The following CDH12 variants were observed in gnomAD, a reference collection of about 807,000 sequenced individuals.
The protein encoded by CDH12 is cadherin-12.
A neutral mutation model predicts 74.1 loss-of-function variants in CDH12; 41 were observed. That is an observed-to-expected ratio of 0.55 (90% CI 0.43 to 0.72). The LOEUF is 0.72. CDH12 is among the 30% of genes least tolerant of loss of function. The pLI is 0.00. For synonymous variants in CDH12, 399 were observed against 355.0 expected, an observed-to-expected ratio of 1.12 and a Z score of -1.39; for missense variants, 945 against 977.2, an observed-to-expected ratio of 0.97 and a Z score of 0.44.
chr5:22,841,162 G>A (rs1737064544), intron 1 of CDH12, among the ~76,000 whole-genome samples: 1 of 152,138 alleles, frequency 6.6e-6, no homozygotes, highest in South Asian at 2.1e-4. Flanking sequence ...GCAGTAATTT[G>A]GATAAGCAAT....
intron 5 of CDH12, among the ~76,000 whole-genome samples, chr5:21,976,164 T>C (rs1757062881): frequency 6.6e-6 from 1 of 152,178 alleles, no homozygotes; most frequent in Non-Finnish European, 1.5e-5. Flanking sequence ...GATTCACAAA[T>C]AGCTTGTTCC....
chr5:21,984,954 G>A (rs1757453355), intron 5 of CDH12, among the ~76,000 whole-genome samples: 1 of 151,802 alleles, frequency 6.6e-6, no homozygotes, highest in Non-Finnish European at 1.5e-5. Flanking sequence ...TAACCACATT[G>A]TCACAGTTTC....
At chr5:21,947,400 T>G (rs2355266) in intron 6 of CDH12, among the ~76,000 whole-genome samples, 1 of 152,146 alleles carries the variant, frequency 6.6e-6, no homozygotes, top group Non-Finnish European at 1.5e-5. Context: ...AAATGCTGAT[T>G]GTGATATAGA....
intron 3 of CDH12, among the ~76,000 whole-genome samples, chr5:22,213,946 C>CGT (rs1751692352): frequency 6.6e-6 from 1 of 151,072 alleles, no homozygotes; most frequent in Admixed American, 6.6e-5. Context: ...CGTGTGCTTG[C>CGT]GTGTGTGTGT....
intron 6 of CDH12, among the ~76,000 whole-genome samples, chr5:21,963,781 A>AAGG (rs1287538703): frequency 6.6e-6 from 1 of 152,110 alleles, no homozygotes; most frequent in Non-Finnish European, 1.5e-5. Flanking sequence ...ATTTGGAATA[A>AAGG]AGGAGAAATA....
rs191145790 is a variant in CDH12 at position 22,652,642 on chromosome 5, A to G, written c.-522-147278T>C. Among the ~76,000 whole-genome samples the G allele has an allele frequency of 5.8e-4, 88 of 152,310 alleles. No individual in the cohort carries two copies. The East Asian group carries it at 8.5e-3, about 15-fold the overall frequency. The stretch of plus-strand genomic sequence containing the variant: ...TTTAATTTTTAGACTTTATATGTCA[A>G]TTGCAGAGCAGATATCAAATATAGA... On this transcript the variant is annotated intron_variant, in intron 1 of 14. Coordinates refer to ENST00000382254, the MANE Select transcript of CDH12 (RefSeq NM_004061.5).
rs1399237190 is a variant in CDH12, at chr5:22,664,317, G to A, written c.-522-158953C>T. ...AATGACTCACATTCAGCATGGCTGG[G>A]GATACCTCAGGAAACTTACTATCTA... On this transcript the variant is annotated intron_variant, in intron 1 of 14. Transcript: ENST00000382254. Among the ~76,000 whole-genome samples, 4 of 152,232 alleles carry A rather than the reference G, an allele frequency of 2.6e-5. No individual in the cohort carries two copies. The East Asian group carries it at 7.7e-4, about 29-fold the overall frequency.
intron 5 of CDH12, among the ~76,000 whole-genome samples, chr5:21,999,468 C>T (rs1736484280): frequency 6.6e-6 from 1 of 152,304 alleles, no homozygotes; most frequent in South Asian, 2.1e-4. Context: ...TAACACTGCA[C>T]TATTTTCACA....
At chr5:22,120,188 T>C (rs960231681) in intron 4 of CDH12, among the ~76,000 whole-genome samples, 5 of 152,202 alleles carry the variant, frequency 3.3e-5, no homozygotes, top group South Asian at 4.1e-4. Flanking sequence ...CAGAGGTTAA[T>C]TGTGTTTTTA....
chr5:22,055,603 T>G (rs1289427460), intron 5 of CDH12, among the ~76,000 whole-genome samples: 2 of 152,170 alleles, frequency 1.3e-5, no homozygotes, highest in Non-Finnish European at 2.9e-5. Context: ...AATTGGATTA[T>G]TCCCATGCTC....
intron 14 of CDH12, among the ~76,000 whole-genome samples, chr5:21,753,056 T>C (rs190041810): frequency 2.6e-5 from 4 of 152,332 alleles, no homozygotes; most frequent in African/African-American, 9.6e-5. Context: ...ATGGTGTTTA[T>C]TTCTACTATG....
At chr5:22,346,697 C>T (rs1397293391) in intron 3 of CDH12, among the ~76,000 whole-genome samples, 2 of 152,124 alleles carry the variant, frequency 1.3e-5, no homozygotes, top group African/African-American at 2.4e-5. Flanking sequence ...TGACATTTCT[C>T]GATAGTTGAA....
chr5:22,030,681 G>T (rs1030751399), intron 5 of CDH12, among the ~76,000 whole-genome samples: 1 of 152,176 alleles, frequency 6.6e-6, no homozygotes, highest in African/African-American at 2.4e-5. Context: ...TAACAAAAGA[G>T]TCAGCCTGTA....
intron 6 of CDH12, among the ~76,000 whole-genome samples, chr5:21,859,371 G>C (rs1750914572): frequency 6.6e-6 from 1 of 151,854 alleles, no homozygotes; most frequent in Non-Finnish European, 1.5e-5. Flanking sequence ...AAGAACATCA[G>C]ATTTCATGAA....
intron 1 of CDH12, among the ~76,000 whole-genome samples, chr5:22,619,760 G>C (rs1055353218): frequency 1.3e-5 from 2 of 151,538 alleles, no homozygotes; most frequent in African/African-American, 4.8e-5. Context: ...CTGTTTACTG[G>C]TACTATGCTT....
intron 3 of CDH12, among the ~76,000 whole-genome samples, chr5:22,402,923 T>C (rs1006735323): frequency 6.6e-6 from 1 of 152,164 alleles, no homozygotes; most frequent in Non-Finnish European, 1.5e-5. Context: ...GCATAAACAT[T>C]GGCAGCTTGG....
intron 1 of CDH12, among the ~76,000 whole-genome samples, chr5:22,824,574 T>C (rs947720391): frequency 6.6e-6 from 1 of 152,090 alleles, no homozygotes; most frequent in Non-Finnish European, 1.5e-5. Context: ...TAGACATTCA[T>C]AAATGTGCAT....
intron 9 of CDH12, among the ~76,000 whole-genome samples, chr5:21,808,293 A>T (rs1279374467): frequency 6.6e-6 from 1 of 152,044 alleles, no homozygotes; most frequent in East Asian, 1.9e-4. Flanking sequence ...GTTATGCCAT[A>T]TTATGACTCA....
Position 22,075,429 on chromosome 5 carries a change from T to C in CDH12, c.231+3017A>G, listed in dbSNP as rs376313994. 8.6e-5 allele frequency among the ~76,000 whole-genome samples: 13 copies of C among 151,988 alleles called. No homozygotes were observed. In the East Asian group the frequency reaches 2.1e-3, roughly 25 times the overall value. ...ATACATCTGTAACAAACCTGCACGTTGTGCACATGTACCCTAAAACTTAAA... is the reference window on the plus strand; with the variant it reads ...ATACATCTGTAACAAACCTGCACGTCGTGCACATGTACCCTAAAACTTAAA... On this transcript the variant is annotated intron_variant, in intron 5 of 14. Transcript: ENST00000382254.
Sources: allele counts gnomAD v4.1 joint callset (sites outside exome capture counted in the v4.1 genomes callset), GRCh38; gene constraint gnomAD v4.1.1; transcripts MANE v1.5; gene names NCBI Gene and HGNC (gene_info 2026-07-23, HGNC 2026-07-21).